TUBB8: variants seen among roughly 807,000 people sequenced by gnomAD.
The protein encoded by TUBB8 is tubulin beta-8 chain.
In TUBB8, 25 loss-of-function variants were observed where a neutral mutation model predicts 33.7. The observed-to-expected ratio is 0.74, with a 90% CI of 0.54 to 1.04. The LOEUF (loss-of-function observed/expected upper bound fraction) is 1.04. TUBB8 is among the 50% of genes least tolerant of loss of function. The pLI is 0.00. For missense variants in TUBB8, 279 were observed against 608.0 expected (o/e 0.46, Z 5.69); for synonymous variants, 245 against 240.1 (o/e 1.02, Z -0.19).
intron 1 of TUBB8, among the ~76,000 whole-genome samples, chr10:72,564 A>G (rs1337676488): frequency 9.6e-6 from 1 of 103,898 alleles, no homozygotes; most frequent in African/African-American, 4.8e-5. Context: ...TGTCAAAAAA[A>G]GAAAAGAGGC....
At position 47,367 on chromosome 10, in the gene TUBB8, G is replaced by A; in HGVS notation, c.1025C>T (p.Ala342Val). 6.2e-7 allele frequency: 1 copy of A among 1,613,006 alleles called. No homozygotes were observed. Among genetic ancestry groups the A allele is most frequent in the Non-Finnish European group, 8.5e-7 (1 of 1,179,964 alleles). Residue 342 changes from alanine (A) to valine (V), a missense_variant, in exon 4 of 4, where the codon GCT becomes GTT. Physicochemically the swap from Ala to Val is moderately conservative, Grantham distance 64. Transcript: ENST00000568584. ...TTTTACGTTGTTGGGGAGCCAGTCA[G>A]CAAAGTAACTGCTGTTCTTATCTTG... ...NIQDKNSSYF[A>V]DWLPNNVKTA...
At chr10:46,494 T>A (rs1218259038), downstream of TUBB8, 2 of 95,444 alleles carry the variant, frequency 2.1e-5, no homozygotes, top group African/African-American at 8.0e-5. Context: ...GGGTCCCACT[T>A]GCCCACCCTT....
chr10:68,489 G>A (rs1287613869), intron 1 of TUBB8, among the ~76,000 whole-genome samples: 2 of 152,182 alleles, frequency 1.3e-5, no homozygotes, highest in Non-Finnish European at 2.9e-5. Flanking sequence ...CTCTCACCGG[G>A]GTGCTTGGTA....
intron 1 of TUBB8, among the ~76,000 whole-genome samples, chr10:73,555 A>C (rs572682453): frequency 2.0e-5 from 3 of 152,178 alleles, no homozygotes; most frequent in Admixed American, 2.0e-4. Context: ...AGGCAGGAGA[A>C]TCGCTTGAAC....
Position 47,546 on chromosome 10 carries a change from C to T in TUBB8, c.846G>A (p.Arg282=), listed in dbSNP as rs782265096. Residue 282 remains arginine (R), a synonymous_variant, in exon 4 of 4, where the codon CGG becomes CGA. Transcript: ENST00000568584. Reference sequence around the variant, plus strand: ...GGGTAAGCTCAGCCACAGTCAAGGCCCGGTACTGCTGGCTGCCCCGGCTGG... The same window carrying T: ...GGGTAAGCTCAGCCACAGTCAAGGCTCGGTACTGCTGGCTGCCCCGGCTGG... ...PLTSRGSQQY[R]ALTVAELTQQ... 1.4e-5 allele frequency: 23 copies of T among 1,611,848 alleles called. No homozygotes were observed. In the Admixed American group the frequency reaches 3.8e-4, roughly 27 times the overall value.
chr10:65,735 A>T lies in TUBB8; in HGVS notation c.-846+8234T>A, dbSNP rs1834662187. On this transcript the variant is annotated intron_variant, in intron 1 of 3. Coordinates refer to the TUBB8 transcript ENST00000564130. ...AGTGAGACTCTGTCTCAAAAAAATT[A>T]AAAATAATAATAATAATAATGCCCA... Among the ~76,000 whole-genome samples the T allele has an allele frequency of 7.2e-5, 11 of 152,318 alleles. No individual in the cohort carries two copies. The South Asian group carries it at 1.5e-3, about 20-fold the overall frequency.
At chr10:51,843 G>A (rs1241512359), upstream of TUBB8, among the ~76,000 whole-genome samples, 3 of 152,210 alleles carry the variant, frequency 2.0e-5, no homozygotes, top group Non-Finnish European at 4.4e-5. Context: ...AACTAGAAAA[G>A]TGGTAGCAGC....
intron 1 of TUBB8, among the ~76,000 whole-genome samples, chr10:72,199 T>C (rs1834745777): frequency 6.7e-6 from 1 of 149,254 alleles, no homozygotes; most frequent in Admixed American, 6.7e-5. Flanking sequence ...CACTTTAGCC[T>C]GGGCAACAGG....
chr10:58,288 C>A (rs782545019), intron 1 of TUBB8, among the ~76,000 whole-genome samples: 1 of 152,246 alleles, frequency 6.6e-6, no homozygotes, highest in Non-Finnish European at 1.5e-5. Context: ...AACTTTCCCT[C>A]ATTTTTCTGT....
intron 1 of TUBB8, among the ~76,000 whole-genome samples, chr10:66,330 CA>C (rs1564211679): frequency 6.6e-6 from 1 of 152,230 alleles, no homozygotes. Flanking sequence ...ACACCAGCAA[CA>C]AACAACATGA....
At chr10:56,214 C>T (rs1554740142) in intron 1 of TUBB8, among the ~76,000 whole-genome samples, 1 of 152,274 alleles carries the variant, frequency 6.6e-6, no homozygotes, top group African/African-American at 2.4e-5. Context: ...TAAATTCCCA[C>T]ACATTTTGTT....
intron 1 of TUBB8, among the ~76,000 whole-genome samples, chr10:63,511 G>C (rs1482527783): frequency 2.0e-5 from 3 of 152,124 alleles, no homozygotes; most frequent in African/African-American, 7.2e-5. Flanking sequence ...CTCTGACTTT[G>C]TCTTTTCAAA....
intron 1 of TUBB8, among the ~76,000 whole-genome samples, chr10:66,364 C>G (rs1834670798): frequency 6.6e-6 from 1 of 152,214 alleles, no homozygotes; most frequent in Non-Finnish European, 1.5e-5. Context: ...GAAAACCATT[C>G]CAGGCTGGGG....
rs781794593 is a variant in TUBB8, at chr10:48,155, C to T, written c.278-41G>A. The T allele has an allele frequency of 1.2e-4, 152 of 1,233,044 alleles. No individual in the cohort carries two copies. In the Admixed American group the frequency reaches 1.3e-3, roughly 11 times the overall value. 76.4% of individuals were successfully genotyped at this position (1,233,044 alleles called of 1,614,324 possible). On this transcript the variant is annotated intron_variant, in intron 3 of 3. Transcript: ENST00000568584. ...GCCGGTCACTCGACGGCCAGGTATA[C>T]GGTCATCAGTGGTCACCACCATAAT...
chr10:75,672 G>C (rs1265563278), upstream of TUBB8, among the ~76,000 whole-genome samples: 17 of 129,920 alleles, frequency 1.3e-4, no homozygotes, highest in African/African-American at 4.7e-4. Context: ...AAAAAAAAAA[G>C]ACAAAAAGAA....
At chr10:75,139 T>G (rs1834793983), upstream of TUBB8, among the ~76,000 whole-genome samples, 1 of 149,664 alleles carries the variant, frequency 6.7e-6, no homozygotes, top group Non-Finnish European at 1.5e-5. Flanking sequence ...CCTCCCAAAG[T>G]CATTCACACC....
At position 65,367 on chromosome 10, in the gene TUBB8, C is replaced by G. The variant is rs1304654924; in HGVS notation, c.-846+8602G>C. Reference sequence around the variant, plus strand: ...ATCCGCAATTTAATACTAAACCACACTAGGACTTGACATCACAAGAACAGA... The same window carrying G: ...ATCCGCAATTTAATACTAAACCACAGTAGGACTTGACATCACAAGAACAGA... On this transcript the variant is annotated intron_variant, in intron 1 of 3. Coordinates refer to the TUBB8 transcript ENST00000564130. Among the ~76,000 whole-genome samples the G allele has an allele frequency of 3.3e-5, 5 of 152,338 alleles. No individual in the cohort carries two copies. In the East Asian group the frequency reaches 9.6e-4, roughly 29 times the overall value.
chr10:75,461 C>T (rs1834799035), upstream of TUBB8, among the ~76,000 whole-genome samples: 1 of 151,486 alleles, frequency 6.6e-6, no homozygotes, highest in African/African-American at 2.4e-5. Flanking sequence ...TCGAGACCAG[C>T]CTGGCCCACA....
chr10:54,940 T>C (rs1293888136), intron 1 of TUBB8, among the ~76,000 whole-genome samples: 11 of 152,228 alleles, frequency 7.2e-5, no homozygotes, highest in African/African-American at 2.7e-4. Flanking sequence ...GTATTTTTAG[T>C]AGAGACGGCG....
Sources: gnomAD v4.1 joint callset for allele counts (sites outside exome capture counted in the v4.1 genomes callset) on GRCh38, gnomAD v4.1.1 for gene constraint, MANE v1.5 for transcripts, NCBI Gene and HGNC (gene_info 2026-07-23, HGNC 2026-07-21) for gene names.